NALCN: variants seen among roughly 807,000 people sequenced by gnomAD.
NALCN encodes the protein sodium leak channel, non-selective.
Under a neutral mutation model 225.3 loss-of-function variants are expected in NALCN, and 111 were observed. That is an observed-to-expected ratio of 0.49 (90% confidence interval 0.42 to 0.58). The LOEUF (loss-of-function observed/expected upper bound fraction) is 0.58, where lower values mean the gene tolerates loss of function less well. Among genes scored for constraint, NALCN ranks in the 20% least tolerant of loss-of-function variants. The pLI is 0.00. For synonymous variants in NALCN, 764 were observed against 769.0 expected, an observed-to-expected ratio of 0.99 and a Z score of 0.11; for missense variants, 1,378 against 2,202.4, an observed-to-expected ratio of 0.63 and a Z score of 7.49.
At chr13:101,324,585 T>C (rs1455564281) in intron 7 of NALCN, among the ~76,000 whole-genome samples, 3 of 152,176 alleles carry the variant, frequency 2.0e-5, no homozygotes, top group East Asian at 1.9e-4. Flanking sequence ...CTGTCTGTTA[T>C]TGGTGTATAG....
intron 7 of NALCN, among the ~76,000 whole-genome samples, chr13:101,334,810 G>T (rs2045324592): frequency 6.6e-6 from 1 of 151,920 alleles, no homozygotes; most frequent in Non-Finnish European, 1.5e-5. Flanking sequence ...CCACTTAAAT[G>T]TCTATCAGTA....
chr13:101,209,322 T>C (rs995740877), intron 13 of NALCN, among the ~76,000 whole-genome samples: 4 of 152,176 alleles, frequency 2.6e-5, no homozygotes, highest in African/African-American at 9.7e-5. Flanking sequence ...TATGCTTCTC[T>C]AGGAACTAGT....
intron 6 of NALCN, among the ~76,000 whole-genome samples, chr13:101,348,310 T>C (rs2045804298): frequency 6.6e-6 from 1 of 152,174 alleles, no homozygotes; most frequent in African/African-American, 2.4e-5. Flanking sequence ...TGAAAACGTC[T>C]ACCTCATAAG....
At chr13:101,378,462 A>G in intron 4 of NALCN, 108 bp downstream of exon 4, 1 of 753,738 alleles carries the variant, frequency 1.3e-6, no homozygotes, top group Non-Finnish European at 2.1e-6. Flanking sequence ...AGGCAATTAC[A>G]CAATCACATT....
At chr13:101,378,511 T>C in intron 4 of NALCN, 59 bp downstream of exon 4, 3 of 1,323,778 alleles carry the variant, frequency 2.3e-6, no homozygotes, top group South Asian at 2.7e-5. Context: ...AGACTTTTAA[T>C]GCAAAATAAT....
intron 34 of NALCN, among the ~76,000 whole-genome samples, chr13:101,080,720 C>A: frequency 6.9e-6 from 1 of 144,856 alleles, no homozygotes; most frequent in East Asian, 2.0e-4. Flanking sequence ...TTAATTAATA[C>A]ATATTTTAAA....
At chr13:101,213,948 T>C (rs2040623292) in intron 13 of NALCN, among the ~76,000 whole-genome samples, 1 of 152,164 alleles carries the variant, frequency 6.6e-6, no homozygotes, top group Non-Finnish European at 1.5e-5. Flanking sequence ...ACTGGGTATA[T>C]ACCCAAAGGA....
intron 28 of NALCN, among the ~76,000 whole-genome samples, chr13:101,091,123 C>G (rs1487183366): frequency 6.6e-6 from 1 of 152,024 alleles, no homozygotes; most frequent in Non-Finnish European, 1.5e-5. Context: ...CCCCTCTTTC[C>G]TTCTTATTAG....
chr13:101,332,615 C>T (rs2045224716), intron 7 of NALCN, among the ~76,000 whole-genome samples: 1 of 152,046 alleles, frequency 6.6e-6, no homozygotes, highest in Non-Finnish European at 1.5e-5. Context: ...AATATTTAGC[C>T]AGCTACAAAA....
chr13:101,294,472 G>T (rs1021030106), intron 7 of NALCN, among the ~76,000 whole-genome samples: 8 of 150,162 alleles, frequency 5.3e-5, no homozygotes. Flanking sequence ...GTATCAATAA[G>T]TATGTTAAAA....
At chr13:101,367,393 C>T (rs1401324305) in intron 6 of NALCN, among the ~76,000 whole-genome samples, 1 of 149,832 alleles carries the variant, frequency 6.7e-6, no homozygotes, top group East Asian at 1.9e-4. Flanking sequence ...TCTTTTTTGA[C>T]ATCTGATAAC....
At chr13:101,205,367 A>G (rs1421963020) in intron 13 of NALCN, among the ~76,000 whole-genome samples, 1 of 151,878 alleles carries the variant, frequency 6.6e-6, no homozygotes, top group Non-Finnish European at 1.5e-5. Context: ...TAAAATTACA[A>G]AATATATTTT....
At chr13:101,407,261 T>C (rs1001575326) in intron 1 of NALCN, among the ~76,000 whole-genome samples, 5 of 152,210 alleles carry the variant, frequency 3.3e-5, no homozygotes, top group African/African-American at 1.2e-4. Context: ...CCAATCATAA[T>C]ATGTTGGAAT....
intron 10 of NALCN, among the ~76,000 whole-genome samples, chr13:101,279,159 CAT>C (rs2043063804): frequency 6.6e-6 from 1 of 151,988 alleles, no homozygotes; most frequent in Non-Finnish European, 1.5e-5. Flanking sequence ...TTATGACAGA[CAT>C]AAAAGAAAAG....
At chr13:101,083,899 G>T in intron 30 of NALCN, 95 bp from the exon 31 acceptor site, 2 of 1,145,110 alleles carry the variant, frequency 1.7e-6, no homozygotes, top group Non-Finnish European at 2.5e-6. Context: ...GGACTGATGT[G>T]AGGGCTTGCA....
chr13:101,161,426 C>T (rs11618953), intron 15 of NALCN, among the ~76,000 whole-genome samples: 10,978 of 152,260 alleles, frequency 0.072, 491 homozygotes, highest in East Asian at 0.18. Context: ...AAACCTGAAA[C>T]CAGGAATCAT....
At chr13:101,288,394 G>A (rs368685612) in intron 9 of NALCN, among the ~76,000 whole-genome samples, 70 of 152,220 alleles carry the variant, frequency 4.6e-4, no homozygotes, top group African/African-American at 1.6e-3. Flanking sequence ...TTTCTTTTTG[G>A]AGGAGAAATT....
intron 13 of NALCN, among the ~76,000 whole-genome samples, chr13:101,210,191 T>A (rs1317569385): frequency 6.6e-6 from 1 of 152,162 alleles, no homozygotes; most frequent in Non-Finnish European, 1.5e-5. Flanking sequence ...CCCACCCCCA[T>A]CTGCATGCAC....
chr13:101,103,029 G>T, intron 26 of NALCN, 143 bp downstream of exon 26: 1 of 917,798 alleles, frequency 1.1e-6, no homozygotes, highest in Non-Finnish European at 1.6e-6. Flanking sequence ...AAGGTGCATT[G>T]TGTTTTGTTA....
Sources: allele counts gnomAD v4.1 joint callset (sites outside exome capture counted in the v4.1 genomes callset), GRCh38; gene constraint gnomAD v4.1.1; transcripts MANE v1.5; gene names NCBI Gene and HGNC (gene_info 2026-07-23, HGNC 2026-07-21).